The following RAE1 variants were observed in gnomAD, a reference collection of about 807,000 sequenced individuals.
RAE1 encodes the protein mRNA export factor RAE1.
RAE1 carries 13 observed loss-of-function variants against 52.7 expected under a neutral mutation model. That is an observed-to-expected ratio of 0.25 (90% CI 0.16 to 0.39). The LOEUF (loss-of-function observed/expected upper bound fraction) is 0.39. Ranked by LOEUF, RAE1 falls within the 10% of genes least tolerant of loss-of-function variation. The pLI is 1.00. For missense variants in RAE1, 262 were observed against 459.8 expected (o/e 0.57, Z 3.93); for synonymous variants, 164 against 153.1 (o/e 1.07, Z -0.52).
At chr20:57,363,670 A>C (rs376939404) in intron 4 of RAE1, among the ~76,000 whole-genome samples, 1 of 152,300 alleles carries the variant, frequency 6.6e-6, no homozygotes, top group South Asian at 2.1e-4. Context: ...CCGTGTCTCT[A>C]AAAAAATAAT....
At position 57,373,592 on chromosome 20, in the gene RAE1, C is replaced by T. The variant is rs373630215; in HGVS notation, c.749+11C>T. On this transcript the variant is annotated intron_variant, in intron 9 of 11. Coordinates refer to ENST00000395841, the MANE Select transcript of RAE1 (RefSeq NM_003610.4). ...CAACCCCCCGAACCCGTAAGTGTGA[C>T]TCTGTCAGCTTGCAGATTTCACTGG... is the stretch of plus-strand genomic sequence containing the variant. The T allele has an allele frequency of 1.2e-5, 20 of 1,613,190 alleles. No homozygotes were observed. The highest frequency in any genetic ancestry group is 1.7e-5 in the Non-Finnish European group (20 of 1,179,260).
At chr20:57,366,959 G>A (rs545594892) in intron 6 of RAE1, 49 bp from the exon 7 acceptor site, 10 of 1,585,272 alleles carry the variant, frequency 6.3e-6, no homozygotes, top group Non-Finnish European at 6.9e-6. Flanking sequence ...GCACCATTTC[G>A]ACTTCTGCTC....
chr20:57,365,661 C>A (rs2066944869), intron 5 of RAE1, among the ~76,000 whole-genome samples: 1 of 152,176 alleles, frequency 6.6e-6, no homozygotes, highest in Non-Finnish European at 1.5e-5. Flanking sequence ...TGTCATGGAT[C>A]TTCATATATG....
At chr20:57,354,291 C>T (rs1005930582) in intron 2 of RAE1, among the ~76,000 whole-genome samples, 163 bp downstream of exon 2, 8 of 152,226 alleles carry the variant, frequency 5.3e-5, no homozygotes, top group African/African-American at 1.2e-4. Flanking sequence ...AATGTGTCCC[C>T]GTACTTGTGT....
chr20:57,373,854 C>A (rs1007959889), intron 10 of RAE1, 116 bp downstream of exon 10: 3 of 1,095,954 alleles, frequency 2.7e-6, no homozygotes, highest in Non-Finnish European at 4.1e-6. Context: ...TGTTCATGTC[C>A]GGAGATAAGT....
At chr20:57,370,710 G>A (rs537244144) in intron 8 of RAE1, among the ~76,000 whole-genome samples, 36 of 152,288 alleles carry the variant, frequency 2.4e-4, no homozygotes, top group African/African-American at 1.9e-4. Context: ...TACTTTATAC[G>A]TATGTATGGA....
At chr20:57,365,948 G>C (rs1445383036) in intron 5 of RAE1, among the ~76,000 whole-genome samples, 6 of 152,238 alleles carry the variant, frequency 3.9e-5, no homozygotes, top group African/African-American at 1.4e-4. Flanking sequence ...CAGAAGTAAT[G>C]AAGATAAGAG....
chr20:57,358,132 A>G (rs2066822858), intron 4 of RAE1: 1 of 147,350 alleles, frequency 6.8e-6, no homozygotes. Context: ...AGAGCGATAG[A>G]GAGGGCTAGG....
chr20:57,365,440 C>T lies in RAE1; in HGVS notation c.373C>T (p.Gln125Ter). The T allele has an allele frequency of 6.3e-7, 1 of 1,599,084 alleles. No homozygotes were observed. Among genetic ancestry groups the T allele is most frequent in the Non-Finnish European group, 8.5e-7 (1 of 1,170,550 alleles). ...CAGTAACCAAGCGATACAGATCGCA[C>T]AGGTAACAGAAGCCTCTGCAGAAAG... ...LSSNQAIQIA[Q>*]HDAPVKTIHW... The change falls in exon 5 of 12, where the codon CAG becomes TAG. Residue 125 changes from glutamine to a stop codon, truncating the protein, a stop_gained and splice_region_variant. Transcript: ENST00000395841. LOFTEE classifies it high-confidence loss of function.
intron 11 of RAE1, 56 bp from the exon 12 acceptor site, chr20:57,377,957 C>G: frequency 7.3e-7 from 1 of 1,375,828 alleles, no homozygotes; most frequent in Non-Finnish European, 1.0e-6. Flanking sequence ...AAAGCACCTA[C>G]AAATGCTAAC....
intron 10 of RAE1, 33 bp downstream of exon 10, chr20:57,373,771 C>T (rs749629824): frequency 1.9e-6 from 3 of 1,587,352 alleles, no homozygotes; most frequent in African/African-American, 2.7e-5. Flanking sequence ...CGTGGTAATA[C>T]ATCTGGAAAC....
At position 57,367,372 on chromosome 20, in the gene RAE1, A is replaced by G. The variant is rs79625419; in HGVS notation, c.534+293A>G. Among the ~76,000 whole-genome samples, 1,388 of 152,216 alleles carry G rather than the reference A, an allele frequency of 9.1e-3. 19 individuals are homozygous for G. Among genetic ancestry groups the G allele is most frequent in the African/African-American group, 0.032 (1,312 of 41,534 alleles). The stretch of plus-strand genomic sequence containing the variant: ...GTGTGACATCTATCATGTCCTTTCC[A>G]TGGCAGTAGGAAAACTTGCAGTAAG... On this transcript the variant is annotated intron_variant, in intron 7 of 11. Transcript: ENST00000395841.
chr20:57,370,566 A>C (rs1001191919), intron 8 of RAE1, among the ~76,000 whole-genome samples: 1 of 152,174 alleles, frequency 6.6e-6, no homozygotes, highest in Non-Finnish European at 1.5e-5. Context: ...CCAGTCGGAC[A>C]GCTCCTTGGT....
intron 1 of RAE1, among the ~76,000 whole-genome samples, chr20:57,353,716 C>T (rs6123694): frequency 6.6e-6 from 1 of 152,158 alleles, no homozygotes; most frequent in Non-Finnish European, 1.5e-5. Flanking sequence ...TAGCTGGTGC[C>T]TACAAAATAA....
At chr20:57,377,599 T>TG (rs2067134586) in intron 11 of RAE1, among the ~76,000 whole-genome samples, 1 of 152,232 alleles carries the variant, frequency 6.6e-6, no homozygotes, top group South Asian at 2.1e-4. Context: ...TCCTTCCATG[T>TG]GGGGCGGGGT....
chr20:57,367,851 C>T (rs2066979987), intron 7 of RAE1, among the ~76,000 whole-genome samples: 1 of 151,344 alleles, frequency 6.6e-6, no homozygotes, highest in Non-Finnish European at 1.5e-5. Context: ...AGGAATTTAT[C>T]ACAAGAAAAT....
intron 1 of RAE1, chr20:57,351,697 C>G (rs933745650): frequency 1.0e-6 from 1 of 985,412 alleles, no homozygotes; most frequent in Non-Finnish European, 1.2e-6. Context: ...GTCCCTCCCC[C>G]TTACACGTCT....
Position 57,351,368 on chromosome 20 carries a change from C to T in RAE1, c.-62C>T, listed in dbSNP as rs972938386. 27 of 985,336 alleles carry T rather than the reference C, an allele frequency of 2.7e-5. No individual in the cohort carries two copies. In the African/African-American group the frequency reaches 4.4e-4, roughly 16 times the overall value. 61.0% of individuals were successfully genotyped at this position (985,336 alleles called of 1,614,324 possible). ...CTTCGCGCCAGAGCAGGTTCGCAAA[C>T]TCCTCAGACCCTTCTGCTCCCGGCC... On this transcript the variant is annotated 5_prime_UTR_variant, in exon 1 of 12. Coordinates refer to ENST00000395841, the MANE Select transcript of RAE1 (RefSeq NM_003610.4).
chr20:57,366,473 A>G (rs145265879), intron 5 of RAE1, among the ~76,000 whole-genome samples: 2 of 152,270 alleles, frequency 1.3e-5, no homozygotes, highest in East Asian at 3.9e-4. Context: ...GCTATGGGAG[A>G]GAGGAGGTGC....
Sources: gnomAD v4.1 joint callset for allele counts (sites outside exome capture counted in the v4.1 genomes callset) on GRCh38, gnomAD v4.1.1 for gene constraint, MANE v1.5 for transcripts, NCBI Gene and HGNC (gene_info 2026-07-23, HGNC 2026-07-21) for gene names.